Variants in CNTNAP2 observed in about 807,000 individuals in gnomAD.
CNTNAP2 encodes the protein contactin-associated protein-like 2.
CNTNAP2 carries 98 observed loss-of-function variants against 155.2 expected under a neutral mutation model. The ratio of observed to expected loss-of-function variants is 0.63; its 90% CI spans 0.54 to 0.75. The LOEUF (loss-of-function observed/expected upper bound fraction) is 0.75, where lower values mean the gene tolerates loss of function less well. CNTNAP2 is among the 30% of genes least tolerant of loss of function. CNTNAP2 has a pLI of 0.00. For synonymous variants in CNTNAP2, 651 were observed against 631.2 expected (o/e 1.03, Z -0.47); for missense variants, 1,727 against 1,688.1 (o/e 1.02, Z -0.40).
chr7:146,783,796 TCAGACTGGA>T (rs1247389909), intron 2 of CNTNAP2, among the ~76,000 whole-genome samples: 1 of 152,202 alleles, frequency 6.6e-6, no homozygotes, highest in African/African-American at 2.4e-5. Context: ...CATAATCAAA[TCAGACTGGA>T]CAGATCTTGT....
At chr7:146,497,749 C>A (rs13224175) in intron 1 of CNTNAP2, among the ~76,000 whole-genome samples, 63,391 of 149,426 alleles carry the variant, frequency 0.42, 14,627 homozygotes, top group African/African-American at 0.62. Context: ...TAACATGTAT[C>A]TATGATTACT....
At chr7:147,541,371 G>A (rs1234318320) in intron 11 of CNTNAP2, among the ~76,000 whole-genome samples, 1 of 152,142 alleles carries the variant, frequency 6.6e-6, no homozygotes, top group Non-Finnish European at 1.5e-5. Context: ...TTCCTCATAG[G>A]ATTACTGTGA....
At chr7:147,322,553 C>T (rs1027593864) in intron 9 of CNTNAP2, among the ~76,000 whole-genome samples, 8 of 151,378 alleles carry the variant, frequency 5.3e-5, no homozygotes, top group Non-Finnish European at 1.0e-4. Context: ...GGTTGTGTCT[C>T]TGCCCGGCTT....
intron 1 of CNTNAP2, among the ~76,000 whole-genome samples, chr7:146,543,262 A>G (rs1797980443): frequency 6.6e-6 from 1 of 151,972 alleles, no homozygotes; most frequent in African/African-American, 2.4e-5. Flanking sequence ...AGTATAAGTT[A>G]AAATATTAAC....
At chr7:146,157,522 G>C (rs1386795686) in intron 1 of CNTNAP2, among the ~76,000 whole-genome samples, 1 of 152,078 alleles carries the variant, frequency 6.6e-6, no homozygotes, top group Non-Finnish European at 1.5e-5. Context: ...TGGAAAACTG[G>C]GACACTCCCA....
At chr7:146,298,235 CTAT>C (rs1467994005) in intron 1 of CNTNAP2, among the ~76,000 whole-genome samples, 10 of 152,100 alleles carry the variant, frequency 6.6e-5, no homozygotes, top group African/African-American at 2.4e-4. Context: ...GTTTTTCTTG[CTAT>C]TATTGAGTTA....
At chr7:146,695,894 C>A (rs1236408580) in intron 1 of CNTNAP2, among the ~76,000 whole-genome samples, 1 of 151,994 alleles carries the variant, frequency 6.6e-6, no homozygotes, top group Non-Finnish European at 1.5e-5. Flanking sequence ...GGAATAAAGC[C>A]CACTTAGTCA....
chr7:146,962,243 T>C (rs1340190644), intron 3 of CNTNAP2, among the ~76,000 whole-genome samples: 1 of 152,210 alleles, frequency 6.6e-6, no homozygotes, highest in Non-Finnish European at 1.5e-5. Flanking sequence ...ATAAGATAAC[T>C]GTTGAACAAA....
intron 1 of CNTNAP2, among the ~76,000 whole-genome samples, chr7:146,426,385 GTATATATATA>G (rs71794213): frequency 5.9e-5 from 8 of 135,168 alleles, no homozygotes; most frequent in South Asian, 2.4e-4. Context: ...AAAACAAAAT[GTATATATATA>G]TATATATATA....
chr7:148,400,105 A>C (rs917231127), intron 22 of CNTNAP2, among the ~76,000 whole-genome samples: 4 of 152,156 alleles, frequency 2.6e-5, no homozygotes, highest in African/African-American at 9.7e-5. Flanking sequence ...CTCTCCCCCA[A>C]AGGCATCTCA....
rs551977444 is a variant in CNTNAP2 at position 148,243,651 on chromosome 7, T to C, written c.3381+13872T>C. 8.6e-5 allele frequency among the ~76,000 whole-genome samples: 13 copies of C among 152,006 alleles called. No individual in the cohort carries two copies. In the South Asian group the frequency reaches 2.7e-3, roughly 32 times the overall value. ...CTTATTCACTATCACAAGAACAGCA[T>C]GAGAAAGACTGGCCCCCATGATTCG... On this transcript the variant is annotated intron_variant, in intron 20 of 23. Coordinates refer to ENST00000361727, the MANE Select transcript of CNTNAP2 (RefSeq NM_014141.6).
At chr7:148,332,272 A>G (rs1798040753) in intron 21 of CNTNAP2, among the ~76,000 whole-genome samples, 1 of 152,040 alleles carries the variant, frequency 6.6e-6, no homozygotes, top group Admixed American at 6.6e-5. Flanking sequence ...GAATAGATGT[A>G]TATTAAAGCC....
chr7:146,956,524 T>C (rs911172279), intron 3 of CNTNAP2, among the ~76,000 whole-genome samples: 1 of 152,190 alleles, frequency 6.6e-6, no homozygotes, highest in African/African-American at 2.4e-5. Context: ...TTTGCAATTA[T>C]CTCCTTTTCC....
intron 1 of CNTNAP2, among the ~76,000 whole-genome samples, chr7:146,125,572 C>A: frequency 8.4e-6 from 1 of 118,784 alleles, no homozygotes; most frequent in South Asian, 2.7e-4. Flanking sequence ...CAGAGCGAGA[C>A]TCCGTCTCCA....
intron 22 of CNTNAP2, 30 bp from the exon 23 acceptor site, chr7:148,409,359 ACT>A (rs1563077277): frequency 1.4e-5 from 21 of 1,499,418 alleles, no homozygotes; most frequent in Non-Finnish European, 1.9e-5. Context: ...AGTATACTTG[ACT>A]CTGACACTTG....
chr7:148,268,250 G>A (rs536699360), intron 21 of CNTNAP2, among the ~76,000 whole-genome samples: 15 of 152,240 alleles, frequency 9.9e-5, no homozygotes, highest in African/African-American at 2.2e-4. Flanking sequence ...GAGGTCACTC[G>A]GCGGCCAGTG....
chr7:148,088,856 G>T (rs1803786942), intron 15 of CNTNAP2, among the ~76,000 whole-genome samples: 2 of 151,310 alleles, frequency 1.3e-5, no homozygotes, highest in African/African-American at 4.8e-5. Context: ...AGCACCACAA[G>T]AAAAAAAATT....
chr7:146,775,709 T>C (rs543265156), intron 2 of CNTNAP2, among the ~76,000 whole-genome samples: 3 of 150,974 alleles, frequency 2.0e-5, no homozygotes, highest in African/African-American at 7.3e-5. Context: ...AAATATTGTA[T>C]CAGAAAAGAA....
intron 1 of CNTNAP2, among the ~76,000 whole-genome samples, chr7:146,294,546 G>A (rs1054498842): frequency 6.6e-6 from 1 of 152,192 alleles, no homozygotes; most frequent in Non-Finnish European, 1.5e-5. Flanking sequence ...ACTTGTCAGT[G>A]TCCTGTGTTT....
Sources: allele counts gnomAD v4.1 joint callset (sites outside exome capture counted in the v4.1 genomes callset), GRCh38; gene constraint gnomAD v4.1.1; transcripts MANE v1.5; gene names NCBI Gene and HGNC (gene_info 2026-07-23, HGNC 2026-07-21).